Variants in CACNA1B observed in about 807,000 individuals in gnomAD.
The protein encoded by CACNA1B is calcium voltage-gated channel subunit alpha1 B.
CACNA1B carries 70 observed loss-of-function variants against 247.2 expected under a neutral mutation model. That is an observed-to-expected ratio of 0.28 (90% CI 0.23 to 0.35). The LOEUF is 0.35. Among genes scored for constraint, CACNA1B ranks in the 10% least tolerant of loss-of-function variants. The pLI is 1.00. For missense variants in CACNA1B, 2,367 were observed against 3,197.4 expected, an observed-to-expected ratio of 0.74 and a Z score of 6.26; for synonymous variants, 1,231 against 1,294.4, an observed-to-expected ratio of 0.95 and a Z score of 1.05.
intron 31 of CACNA1B, among the ~76,000 whole-genome samples, chr9:138,067,370 A>G (rs931945777): frequency 1.8e-4 from 28 of 152,256 alleles, no homozygotes; most frequent in Non-Finnish European, 5.9e-5. Flanking sequence ...TTCTCTAACT[A>G]ACTAGACTAG....
chr9:138,038,609 G>GA (rs1959076197), intron 20 of CACNA1B, among the ~76,000 whole-genome samples: 3 of 152,234 alleles, frequency 2.0e-5, no homozygotes, highest in African/African-American at 7.2e-5. Flanking sequence ...GCTTCAGTCA[G>GA]TACAACCTTC....
rs1261342028 is a variant in CACNA1B at position 137,973,945 on chromosome 9, CT to C, written c.1544-1961del. 6.6e-6 allele frequency among the ~76,000 whole-genome samples: 1 copy of C among 152,196 alleles called. No homozygotes were observed. The highest frequency in any genetic ancestry group is 1.9e-4 in the East Asian group (1 of 5,198). On this transcript the variant is annotated intron_variant, in intron 11 of 46. Transcript: ENST00000371372. The surrounding 1 kb of genome is among the most constrained non-coding windows in gnomAD (Gnocchi z 4.1). ...GTCTCCTGGGGAGCAAGGTGTGTGCCTGGGTAGCCTCCCCTCCCAGATCTAG... is the reference window on the plus strand; with the variant it reads ...GTCTCCTGGGGAGCAAGGTGTGTGCCGGGTAGCCTCCCCTCCCAGATCTAG...
Position 137,927,695 on chromosome 9 carries a change from T to C in CACNA1B, c.966+10264T>C, listed in dbSNP as rs118167451. ...GCTGACATATTTGCCATGCTCCCAA[T>C]CTTAGGAAAAAGCATTTGATCTATC... On this transcript the variant is annotated intron_variant, in intron 6 of 46. Transcript: ENST00000371372. Among the ~76,000 whole-genome samples the C allele has an allele frequency of 3.0e-4, 45 of 152,328 alleles. No homozygotes were observed. In the East Asian group the frequency reaches 8.5e-3, roughly 29 times the overall value.
chr9:137,879,167 C>G lies in CACNA1B; in HGVS notation c.390+8C>G, dbSNP rs747226701. ...CCCATGTCCGAGCGGCTGGTGAGTG[C>G]CCGGCTGGGCCTGAGGGCAGGGTGG... On this transcript the variant is annotated splice_region_variant and intron_variant, in intron 2 of 46. Coordinates refer to ENST00000371372, the MANE Select transcript of CACNA1B (RefSeq NM_000718.4). 1 of 1,584,054 alleles carries G rather than the reference C, an allele frequency of 6.3e-7. No homozygotes were observed. The highest frequency in any genetic ancestry group is 1.3e-5 in the African/African-American group (1 of 74,428).
intron 15 of CACNA1B, among the ~76,000 whole-genome samples, chr9:137,989,103 G>C (rs1435164925): frequency 6.6e-6 from 1 of 152,162 alleles, no homozygotes; most frequent in Non-Finnish European, 1.5e-5. Flanking sequence ...CACTCCCAAA[G>C]AAAAGGAAAT....
At chr9:137,907,863 T>C (rs1287499911) in intron 3 of CACNA1B, among the ~76,000 whole-genome samples, 1 of 152,184 alleles carries the variant, frequency 6.6e-6, no homozygotes, top group Non-Finnish European at 1.5e-5. Context: ...ACCTGGAATT[T>C]ATGTGTGAGT....
chr9:137,956,816 C>A lies in CACNA1B; in HGVS notation c.1232C>A (p.Ser411Tyr). Residue 411 changes from serine to tyrosine, a missense_variant, in exon 9 of 47, where the codon TCC (serine) becomes TAC (tyrosine). By Grantham distance (144) the Ser-to-Tyr change is moderately radical (BLOSUM62 -2). Around this residue, in one of 12 missense-constraint regions of CACNA1B, gnomAD observed 219 missense variants for 297.6 expected, o/e 0.74. Transcript: ENST00000371372. ...AEEDRNAEEKSPLDVLKRAAT... is the reference protein window; with the variant it reads ...AEEDRNAEEKYPLDVLKRAAT... ...GAGGACAGGAATGCAGAGGAGAAGT[C>A]CCCTTTGGACGGTAGGTGGCACTTG... The A allele has an allele frequency of 1.9e-6, 3 of 1,613,558 alleles. No homozygotes were observed. The highest frequency in any genetic ancestry group is 2.5e-6 in the Non-Finnish European group (3 of 1,179,564).
intron 3 of CACNA1B, among the ~76,000 whole-genome samples, chr9:137,883,919 TG>T (rs1191332574): frequency 2.0e-5 from 3 of 150,446 alleles, no homozygotes; most frequent in Admixed American, 1.3e-4. Flanking sequence ...GAGGGGTGTT[TG>T]GGCTGGTGGC....
intron 26 of CACNA1B, among the ~76,000 whole-genome samples, chr9:138,056,008 AGTGTAAGACT>A (rs1959481822): frequency 6.6e-6 from 1 of 151,692 alleles, no homozygotes. Context: ...CCCGGGCGAC[AGTGTAAGACT>A]CTGTCTCAAA....
intron 36 of CACNA1B, among the ~76,000 whole-genome samples, chr9:138,082,517 A>G (rs1355581446): frequency 6.6e-6 from 1 of 151,302 alleles, no homozygotes; most frequent in Non-Finnish European, 1.5e-5. Context: ...GCTCCCTTTG[A>G]TTGGCCAAAA....
In CACNA1B at chr9:137,954,967, G is replaced by A. The variant is rs1390880020; in HGVS notation, c.1071-731G>A. Among the ~76,000 whole-genome samples the A allele has an allele frequency of 6.6e-6, 1 of 151,974 alleles. No homozygotes were observed. The highest frequency in any genetic ancestry group is 6.5e-5 in the Admixed American group (1 of 15,272). ...TGTGAGCCTTAAAGCTTGGCCAGGAGGCTGGGGCTGGGCTGGGGATGCTGA... is the reference window on the plus strand; with the variant it reads ...TGTGAGCCTTAAAGCTTGGCCAGGAAGCTGGGGCTGGGCTGGGGATGCTGA... On this transcript the variant is annotated intron_variant, in intron 7 of 46. Transcript: ENST00000371372. The surrounding 1 kb of genome is among the most constrained non-coding windows in gnomAD (Gnocchi z 4.1).
intron 38 of CACNA1B, among the ~76,000 whole-genome samples, chr9:138,104,399 G>T (rs1961354564): frequency 6.6e-6 from 1 of 152,212 alleles, no homozygotes; most frequent in African/African-American, 2.4e-5. Flanking sequence ...CGCCTGCCCT[G>T]TGGGAGAGGA....
At chr9:138,097,547 A>G (rs1182416579) in intron 37 of CACNA1B, among the ~76,000 whole-genome samples, 2 of 152,194 alleles carry the variant, frequency 1.3e-5, no homozygotes, top group African/African-American at 4.8e-5. Flanking sequence ...TAGGCCTGCT[A>G]GCACCTCACT....
intron 36 of CACNA1B, among the ~76,000 whole-genome samples, chr9:138,083,417 G>C (rs1960592027): frequency 1.3e-5 from 2 of 150,874 alleles, no homozygotes; most frequent in Admixed American, 1.3e-4. Context: ...GTGGTACCCT[G>C]CCTCCTGGGA....
chr9:138,032,884 G>C (rs1330720410), intron 20 of CACNA1B: 1 of 296,370 alleles, frequency 3.4e-6, no homozygotes, highest in Non-Finnish European at 6.6e-6. Context: ...ATCTTGTTTG[G>C]GGTTTGCTCA....
In CACNA1B at chr9:138,025,165, C is replaced by A; in HGVS notation, c.3279C>A (p.Val1093=). 6.2e-7 allele frequency: 1 copy of A among 1,606,072 alleles called. No homozygotes were observed. Among genetic ancestry groups the A allele is most frequent in the South Asian group, 1.1e-5 (1 of 89,492 alleles). ...MLTGPLGEAT[V]VPSGNVDLES... ...CGGGCCCTCTTGGGGAAGCCACGGT[C>A]GTTCCCAGTGAGTATCTCCCTGTGC... The change falls in exon 20 of 47, where the codon GTC becomes GTA. Residue 1093 remains valine (V), a synonymous_variant. Coordinates refer to ENST00000371372, the MANE Select transcript of CACNA1B (RefSeq NM_000718.4).
chr9:137,916,857 G>A (rs149512825), intron 5 of CACNA1B, among the ~76,000 whole-genome samples: 3 of 141,242 alleles, frequency 2.1e-5, no homozygotes, highest in Non-Finnish European at 4.8e-5. Flanking sequence ...GGCTGTGAGG[G>A]AGAGGAACGA....
chr9:137,918,395 G>A (rs1010475625), intron 6 of CACNA1B, among the ~76,000 whole-genome samples: 1 of 152,106 alleles, frequency 6.6e-6, no homozygotes, highest in Non-Finnish European at 1.5e-5. Context: ...AATTAAGTTA[G>A]TACTTGAGGG....
intron 20 of CACNA1B, among the ~76,000 whole-genome samples, chr9:138,032,049 C>T (rs11533014): frequency 0.19 from 29,551 of 151,940 alleles, 7,713 homozygotes; most frequent in African/African-American, 0.6. Flanking sequence ...TTTTGTTTTT[C>T]TCTTTCTGTT....
Sources: allele counts gnomAD v4.1 joint callset (sites outside exome capture counted in the v4.1 genomes callset), GRCh38; gene constraint gnomAD v4.1.1; regional missense constraint gnomAD v4.1.1; non-coding constraint Gnocchi (gnomAD v3.1); transcripts MANE v1.5; gene names NCBI Gene and HGNC (gene_info 2026-07-23, HGNC 2026-07-21).